Variants in RNF212B observed in about 807,000 individuals in gnomAD.
RNF212B encodes E3 ubiquitin-protein ligase RNF212B.
A neutral mutation model predicts 55.5 loss-of-function variants in RNF212B; 52 were observed. That is an observed-to-expected ratio of 0.94 (90% CI 0.75 to 1.18). The LOEUF is 1.18. RNF212B is among the 50% of genes most tolerant of loss of function. The probability of loss-of-function intolerance (pLI) is 0.00; values close to 1 mark genes in which losing one functional copy is unlikely to be tolerated. For missense variants in RNF212B, 289 were observed against 350.4 expected (o/e 0.82, Z 1.40); for synonymous variants, 99 against 121.4 (o/e 0.82, Z 1.21).
intron 2 of RNF212B, among the ~76,000 whole-genome samples, chr14:23,211,914 G>T (rs1880557503): frequency 6.6e-6 from 1 of 152,176 alleles, no homozygotes; most frequent in African/African-American, 2.4e-5. Flanking sequence ...TTTTAGTAGA[G>T]ACAGGGTTTT....
exon 1 of RNF212B, chr14:23,185,436 C>A (rs924250170): frequency 2.0e-5 from 3 of 152,238 alleles, no homozygotes; most frequent in Admixed American, 6.5e-5. Context: ...TTGAAGACTT[C>A]TGCTCCGATT....
At chr14:23,254,307 C>A (rs559697994) in intron 4 of RNF212B, among the ~76,000 whole-genome samples, 17,137 of 137,118 alleles carry the variant, frequency 0.12, 1,440 homozygotes, top group Non-Finnish European at 0.16. Flanking sequence ...CAAAACAAAA[C>A]AAAACAAAAC....
Position 23,272,966 on chromosome 14 carries a change from G to A in RNF212B, c.*75G>A, listed in dbSNP as rs1344335817. On this transcript the variant is annotated 3_prime_UTR_variant, in exon 15 of 15. Coordinates refer to ENST00000430154, the MANE Select transcript of RNF212B (RefSeq NM_001282322.3). ...CTTCCAGTACGCATTAGGGGTGATG[G>A]CCCTGGAAAATGTATCCCTGCATTG... The A allele has an allele frequency of 7.4e-6, 6 of 815,576 alleles. No homozygotes were observed. Among genetic ancestry groups the A allele is most frequent in the South Asian group, 3.7e-5 (2 of 54,232 alleles). The allele number at this position is 815,576 out of a possible 1,614,324, so 50.5% of individuals were successfully genotyped here.
At chr14:23,217,591 TG>T (rs1246303083) in intron 2 of RNF212B, among the ~76,000 whole-genome samples, 2 of 151,700 alleles carry the variant, frequency 1.3e-5, no homozygotes, top group Admixed American at 1.3e-4. Flanking sequence ...CATTTTGGGG[TG>T]GGGGAGAAAG....
chr14:23,205,562 T>C (rs140970941), intron 2 of RNF212B, among the ~76,000 whole-genome samples: 137 of 152,292 alleles, frequency 9.0e-4, no homozygotes, highest in African/African-American at 3.1e-3. Flanking sequence ...ACTGAGACAG[T>C]GGAAAAAGTT....
chr14:23,264,837 G>A (rs1885565225), intron 11 of RNF212B, among the ~76,000 whole-genome samples, 166 bp downstream of exon 11: 1 of 129,096 alleles, frequency 7.7e-6, no homozygotes, highest in Non-Finnish European at 1.6e-5. Context: ...TTTTTTTTTG[G>A]TGAGATGGAG....
At chr14:23,185,557 A>T (rs1877507123) in intron 1 of RNF212B, 1 of 152,258 alleles carries the variant, frequency 6.6e-6, no homozygotes, top group Non-Finnish European at 1.5e-5. Context: ...GGGATAAAAC[A>T]TGAATGTGAT....
chr14:23,230,903 C>T (rs1275500394), intron 2 of RNF212B, among the ~76,000 whole-genome samples: 1 of 152,004 alleles, frequency 6.6e-6, no homozygotes, highest in African/African-American at 2.4e-5. Flanking sequence ...GTCTTGACAC[C>T]CTTGTCAAAA....
chr14:23,200,401 C>T (rs868781059), intron 2 of RNF212B, among the ~76,000 whole-genome samples: 1 of 152,064 alleles, frequency 6.6e-6, no homozygotes, highest in South Asian at 2.1e-4. Context: ...TCTTGGCCCA[C>T]TGCAACCTCT....
At chr14:23,243,352 T>C (rs953448268) in intron 3 of RNF212B, 44 bp downstream of exon 3, 8 of 1,460,564 alleles carry the variant, frequency 5.5e-6, no homozygotes, top group Middle Eastern at 1.7e-4. Context: ...ATCCCATTCC[T>C]GGCCTGTAGG....
chr14:23,264,566 G>T, intron 10 of RNF212B, 57 bp from the exon 11 acceptor site: 1 of 1,171,204 alleles, frequency 8.5e-7, no homozygotes, highest in Non-Finnish European at 1.1e-6. Context: ...ATAGGGAATA[G>T]GGAAGCCAGA....
chr14:23,263,015 G>T (rs1382488104), intron 9 of RNF212B, 45 bp downstream of exon 9: 1 of 1,502,706 alleles, frequency 6.7e-7, no homozygotes, highest in African/African-American at 1.4e-5. Context: ...AAAGTTGGAA[G>T]ATAGAAGAAA....
At chr14:23,247,171 G>A (rs1240668508) in intron 4 of RNF212B, among the ~76,000 whole-genome samples, 2 of 151,314 alleles carry the variant, frequency 1.3e-5, no homozygotes, top group Non-Finnish European at 2.9e-5. Flanking sequence ...TCAAGGGGAA[G>A]TATAAACACC....
intron 12 of RNF212B, 57 bp downstream of exon 12, chr14:23,269,020 G>C: frequency 6.9e-7 from 1 of 1,442,580 alleles, no homozygotes; most frequent in Non-Finnish European, 9.5e-7. Context: ...AACTCTGCCA[G>C]CAGGCTGGGT....
intron 2 of RNF212B, among the ~76,000 whole-genome samples, chr14:23,221,174 G>T (rs1881540127): frequency 6.6e-6 from 1 of 151,350 alleles, no homozygotes; most frequent in African/African-American, 2.4e-5. Context: ...ATCACTTGAG[G>T]TCAGGAGTTT....
intron 2 of RNF212B, among the ~76,000 whole-genome samples, chr14:23,202,571 G>T (rs1169423785): frequency 6.6e-6 from 1 of 152,126 alleles, no homozygotes; most frequent in East Asian, 1.9e-4. Flanking sequence ...CAGTGTTTAG[G>T]CTGGGCGTGA....
At chr14:23,269,073 G>A (rs1885893295) in intron 12 of RNF212B, 110 bp downstream of exon 12, 5 of 839,082 alleles carry the variant, frequency 6.0e-6, no homozygotes, top group Non-Finnish European at 9.7e-6. Context: ...GGGAGGCCGA[G>A]GAGGGTGGAT....
intron 7 of RNF212B, among the ~76,000 whole-genome samples, chr14:23,262,277 C>T (rs989323456): frequency 6.6e-5 from 10 of 151,986 alleles, no homozygotes; most frequent in Non-Finnish European, 1.2e-4. Context: ...TGGATGGCAT[C>T]CTTCTTTCTG....
intron 2 of RNF212B, among the ~76,000 whole-genome samples, chr14:23,220,480 C>T (rs10047910): frequency 3.2e-4 from 49 of 151,570 alleles, no homozygotes; most frequent in South Asian, 3.1e-3. Flanking sequence ...TGCTGTGAGC[C>T]GAGATCACAC....
Sources: gnomAD v4.1 joint callset for allele counts (sites outside exome capture counted in the v4.1 genomes callset) on GRCh38, gnomAD v4.1.1 for gene constraint, MANE v1.5 for transcripts, NCBI Gene and HGNC (gene_info 2026-07-23, HGNC 2026-07-21) for gene names.